The following ABCC9 variants were observed in gnomAD, a reference collection of about 807,000 sequenced individuals.
ABCC9 encodes ATP-binding cassette sub-family C member 9.
In ABCC9, 95 loss-of-function variants were observed where a neutral mutation model predicts 188.3. That is an observed-to-expected ratio of 0.50 (90% CI 0.43 to 0.60). The LOEUF (loss-of-function observed/expected upper bound fraction) is 0.60, where lower values mean the gene tolerates loss of function less well. ABCC9 is among the 20% of genes least tolerant of loss of function. The pLI, the probability that ABCC9 is intolerant of heterozygous loss-of-function variation, is 0.00. For missense variants in ABCC9, 1,102 were observed against 1,876.3 expected (o/e 0.59, Z 7.62); for synonymous variants, 659 against 652.7 (o/e 1.01, Z -0.15).
Position 21,805,300 on chromosome 12 carries a change from A to AT in ABCC9, c.4512+697_4512+698insA, listed in dbSNP as rs1399024898. ...AAACAAGGCCTGCATCCATAATAGA[A>AT]GAGACACGGTGCTGGAGAGAAAAAT... is the stretch of plus-strand genomic sequence containing the variant. On this transcript the variant is annotated intron_variant, in intron 39 of 39. Coordinates refer to ENST00000261200, the MANE Select transcript of ABCC9 (RefSeq NM_020297.4). 6.2e-7 allele frequency: 1 copy of AT among 1,613,854 alleles called. No homozygotes were observed. The highest frequency in any genetic ancestry group is 1.3e-5 in the African/African-American group (1 of 74,918).
At chr12:21,805,431 A>G (rs1941771125) in intron 39 of ABCC9, 1 of 909,962 alleles carries the variant, frequency 1.1e-6, no homozygotes, top group Non-Finnish European at 1.7e-6. Flanking sequence ...ACTTGCAAAG[A>G]GGAAAAGGCA....
chr12:21,805,136 C>A (rs376317984), intron 39 of ABCC9: 1 of 1,613,500 alleles, frequency 6.2e-7, no homozygotes. Context: ...AGATAACTAC[C>A]GGAGAATGAC....
At chr12:21,876,750 C>T (rs2137611421) in intron 16 of ABCC9, among the ~76,000 whole-genome samples, 1 of 152,328 alleles carries the variant, frequency 6.6e-6, no homozygotes, top group African/African-American at 2.4e-5. Flanking sequence ...TGAAGATACA[C>T]TTTGCTCATA....
chr12:21,940,591 G>C (rs1949650588), intron 2 of ABCC9, 119 bp downstream of exon 2: 1 of 152,186 alleles, frequency 6.6e-6, no homozygotes, highest in Non-Finnish European at 1.5e-5. Context: ...TTCAGTGGCT[G>C]TGAAGTACCA....
chr12:21,836,422 A>T (rs1021186003), intron 30 of ABCC9, among the ~76,000 whole-genome samples: 2 of 152,198 alleles, frequency 1.3e-5, no homozygotes, highest in Non-Finnish European at 2.9e-5. Flanking sequence ...TTTGATTTCC[A>T]TATAAAATAG....
At chr12:21,816,840 C>A (rs1942679182) in intron 33 of ABCC9, among the ~76,000 whole-genome samples, 1 of 152,096 alleles carries the variant, frequency 6.6e-6, no homozygotes, top group African/African-American at 2.4e-5. Flanking sequence ...GAATCTCAGT[C>A]CGTATTTTAA....
At chr12:21,879,568 G>C (rs570331571) in intron 16 of ABCC9, among the ~76,000 whole-genome samples, 4 of 152,170 alleles carry the variant, frequency 2.6e-5, no homozygotes, top group African/African-American at 9.6e-5. Context: ...AAATGCCACT[G>C]GATTGTTGAC....
At chr12:21,805,067 A>T in intron 39 of ABCC9, 1 of 1,532,676 alleles carries the variant, frequency 6.5e-7, no homozygotes, top group African/African-American at 1.4e-5. Flanking sequence ...TAGTTCCCTC[A>T]TCTCAGCCCT....
At chr12:21,897,637 G>C (rs1429220617) in intron 12 of ABCC9, among the ~76,000 whole-genome samples, 2 of 152,194 alleles carry the variant, frequency 1.3e-5, no homozygotes, top group African/African-American at 4.8e-5. Context: ...CTACTACAAA[G>C]TGTCAGAGCT....
intron 29 of ABCC9, among the ~76,000 whole-genome samples, chr12:21,841,272 C>T (rs1404734949): frequency 1.3e-5 from 2 of 150,548 alleles, no homozygotes; most frequent in African/African-American, 4.9e-5. Context: ...AAATCCTAAA[C>T]GAATATTTTT....
rs904136432 is a variant in ABCC9 at position 21,910,100 on chromosome 12, CT to C, written c.1320+56del. ...TTTTACAGAGCTAAATACATTACTG[CT>C]TTTTTTGTTTTATTTCCTCTGCAGA... On this transcript the variant is annotated intron_variant, in intron 10 of 39. Coordinates refer to ENST00000261200, the MANE Select transcript of ABCC9 (RefSeq NM_020297.4). The C allele has an allele frequency of 6.7e-6, 10 of 1,492,276 alleles. No individual in the cohort carries two copies. In the African/African-American group the frequency reaches 9.7e-5, roughly 14 times the overall value. The allele number at this position is 1,492,276 out of a possible 1,614,324, so 92.4% of individuals were successfully genotyped here.
intron 37 of ABCC9, 149 bp from the exon 38 acceptor site, chr12:21,807,628 A>G (rs1941948254): frequency 1.8e-6 from 2 of 1,081,292 alleles, no homozygotes; most frequent in African/African-American, 1.6e-5. Flanking sequence ...GAACACAAAG[A>G]GGAACTCCAC....
In ABCC9 at chr12:21,797,761, G is replaced by A. The variant is rs1941221171; in HGVS notation, c.*3283C>T. The A allele has an allele frequency of 6.6e-6, 1 of 152,128 alleles. No homozygotes were observed. The highest frequency in any genetic ancestry group is 1.5e-5 in the Non-Finnish European group (1 of 68,026). 9.4% of individuals were successfully genotyped at this position (152,128 alleles called of 1,614,324 possible). On this transcript the variant is annotated 3_prime_UTR_variant, in exon 40 of 40. Coordinates refer to ENST00000261200, the MANE Select transcript of ABCC9 (RefSeq NM_020297.4). ...GAGTAAGAGTACAAAAATAGATGGT[G>A]CATAATTGTTTATACAAAGTCTTTT...
rs537882374 is a variant in ABCC9 at position 21,863,828 on chromosome 12, G to A, written c.2237+611C>T. Among the ~76,000 whole-genome samples the A allele has an allele frequency of 2.0e-5, 3 of 152,194 alleles. No homozygotes were observed. The South Asian group carries it at 6.2e-4, about 32-fold the overall frequency. On this transcript the variant is annotated intron_variant, in intron 19 of 39. Transcript: ENST00000261200. ...GTAAAGTACTGATGAAGGAAATAGG[G>A]TTAAAAGAGAGCAAGGTTAAAAAAG...
At chr12:21,933,200 A>C (rs1275582823) in intron 4 of ABCC9, among the ~76,000 whole-genome samples, 3 of 151,730 alleles carry the variant, frequency 2.0e-5, no homozygotes, top group Non-Finnish European at 4.4e-5. Flanking sequence ...GGGAAACAAC[A>C]CACACTGGGG....
At position 21,910,701 on chromosome 12, in the gene ABCC9, C is replaced by CGTT. The variant is rs149565566; in HGVS notation, c.1164+122_1164+124dup. ...TCTTTCATTAAGTAGATTATAGAAA[C>CGTT]GTTGTTGTTGTAATACCAAAATGAA... On this transcript the variant is annotated intron_variant, in intron 9 of 39. Transcript: ENST00000261200. 24,272 of 819,516 alleles carry CGTT rather than the reference C, an allele frequency of 0.03. 469 individuals are homozygous for CGTT. Among genetic ancestry groups the CGTT allele is most frequent in the Non-Finnish European group, 0.04 (19,711 of 497,952 alleles). The allele number at this position is 819,516 out of a possible 1,614,324, so 50.8% of individuals were successfully genotyped here.
chr12:21,825,707 G>A (rs1323198400), intron 31 of ABCC9, among the ~76,000 whole-genome samples: 1 of 152,098 alleles, frequency 6.6e-6, no homozygotes, highest in Non-Finnish European at 1.5e-5. Flanking sequence ...ACGGGTTGAT[G>A]GGTGCAGCAA....
At chr12:21,827,574 A>T (rs1943461339) in intron 31 of ABCC9, 1 of 150,062 alleles carries the variant, frequency 6.7e-6, no homozygotes, top group Non-Finnish European at 1.5e-5. Flanking sequence ...ACACACACTC[A>T]CATATCAAAA....
chr12:21,832,407 C>T (rs573376754), intron 30 of ABCC9, among the ~76,000 whole-genome samples: 1 of 152,226 alleles, frequency 6.6e-6, no homozygotes, highest in South Asian at 2.1e-4. Context: ...ACAATCAATT[C>T]CTGACCACAA....
Sources: allele counts gnomAD v4.1 joint callset (sites outside exome capture counted in the v4.1 genomes callset), GRCh38; gene constraint gnomAD v4.1.1; transcripts MANE v1.5; gene names NCBI Gene and HGNC (gene_info 2026-07-23, HGNC 2026-07-21).